Variants in APP observed in about 807,000 individuals in gnomAD.
The protein encoded by APP is amyloid-beta precursor protein.
A neutral mutation model predicts 101.4 loss-of-function variants in APP; 31 were observed. That is an observed-to-expected ratio of 0.31 (90% CI 0.23 to 0.41). APP has a LOEUF of 0.41. Ranked by LOEUF, APP falls within the 10% of genes least tolerant of loss-of-function variation. The pLI is 1.00. For synonymous variants in APP, 366 were observed against 364.4 expected, an observed-to-expected ratio of 1.00 and a Z score of -0.05; for missense variants, 839 against 1,003.7, an observed-to-expected ratio of 0.84 and a Z score of 2.22.
intron 17 of APP, among the ~76,000 whole-genome samples, chr21:25,885,118 C>G (rs936882286): frequency 6.6e-6 from 1 of 152,220 alleles, no homozygotes; most frequent in Non-Finnish European, 1.5e-5. Flanking sequence ...TTAGGAGCTA[C>G]AGAAGAAGGG....
intron 13 of APP, among the ~76,000 whole-genome samples, chr21:25,936,722 C>G (rs1264631084): frequency 6.6e-5 from 10 of 152,190 alleles, no homozygotes; most frequent in Admixed American, 6.5e-4. Context: ...AAAATAATTT[C>G]TGTTGTTGAA....
At chr21:26,109,220 T>C (rs1048934547) in intron 2 of APP, among the ~76,000 whole-genome samples, 2 of 152,236 alleles carry the variant, frequency 1.3e-5, no homozygotes, top group African/African-American at 4.8e-5. Flanking sequence ...AACCCTTTGA[T>C]ACAGTTTGGC....
At chr21:26,147,160 A>T (rs561134348) in intron 1 of APP, among the ~76,000 whole-genome samples, 1 of 152,190 alleles carries the variant, frequency 6.6e-6, no homozygotes, top group Non-Finnish European at 1.5e-5. Flanking sequence ...GACTTTTATA[A>T]TAATTGTATT....
chr21:25,887,962 CAGG>C (rs147894001), intron 17 of APP, among the ~76,000 whole-genome samples: 151 of 147,090 alleles, frequency 1.0e-3, no homozygotes, highest in Middle Eastern at 6.9e-3. Flanking sequence ...CATTTGTTCT[CAGG>C]AGTTTTTTTC....
rs554208234 is a variant in APP at position 26,045,756 on chromosome 21, C to T, written c.662+5244G>A. ...GATGAAGTTTAAACTGGGTTCAATA[C>T]GGAATTGTATATTCCAATGCACGCA... On this transcript the variant is annotated intron_variant, in intron 5 of 17. Coordinates refer to ENST00000346798, the MANE Select transcript of APP (RefSeq NM_000484.4). Among the ~76,000 whole-genome samples, 11 of 152,272 alleles carry T rather than the reference C, an allele frequency of 7.2e-5. No individual in the cohort carries two copies. The East Asian group carries it at 1.7e-3, about 24-fold the overall frequency.
intron 6 of APP, among the ~76,000 whole-genome samples, chr21:26,019,694 GC>G (rs11295673): frequency 1 from 152,317 of 152,318 alleles, 76,158 homozygotes; most frequent in Middle Eastern, 1. Flanking sequence ...CTATTAAACA[GC>G]CCAGCTTGAT....
chr21:26,154,040 G>A (rs1178189976), intron 1 of APP, among the ~76,000 whole-genome samples: 1 of 152,118 alleles, frequency 6.6e-6, no homozygotes, highest in East Asian at 1.9e-4. Flanking sequence ...CTCCATGTCA[G>A]GCAGTAAGCT....
intron 1 of APP, among the ~76,000 whole-genome samples, chr21:26,167,477 T>C (rs925094299): frequency 1.3e-5 from 2 of 152,236 alleles, no homozygotes; most frequent in African/African-American, 4.8e-5. Flanking sequence ...AATGCACTTC[T>C]CACTGATAGT....
chr21:25,968,606 C>T (rs1290777921), intron 11 of APP, among the ~76,000 whole-genome samples: 1 of 152,104 alleles, frequency 6.6e-6, no homozygotes, highest in African/African-American at 2.4e-5. Flanking sequence ...TATACTCAGA[C>T]ACAGGGACTC....
At chr21:26,150,016 C>T (rs149560077) in intron 1 of APP, among the ~76,000 whole-genome samples, 34 of 152,254 alleles carry the variant, frequency 2.2e-4, no homozygotes, top group Admixed American at 1.7e-3. Context: ...GCACATGAGG[C>T]CTTGCCAATT....
chr21:25,972,914 G>C (rs2042088027), intron 11 of APP, among the ~76,000 whole-genome samples: 1 of 152,042 alleles, frequency 6.6e-6, no homozygotes, highest in South Asian at 2.1e-4. Context: ...CAGAGAGAGA[G>C]AGAGATGAAA....
intron 6 of APP, among the ~76,000 whole-genome samples, chr21:26,015,113 A>G (rs894173670): frequency 1.3e-5 from 2 of 152,216 alleles, no homozygotes; most frequent in African/African-American, 4.8e-5. Context: ...TTCTCTCTAA[A>G]TATCAGCTTT....
Position 26,021,792 on chromosome 21 carries a change from C to T in APP, c.865+48G>A, listed in dbSNP as rs941353585. The T allele has an allele frequency of 3.1e-6, 5 of 1,604,594 alleles. No individual in the cohort carries two copies. In the African/African-American group the frequency reaches 4.0e-5, roughly 13 times the overall value. ...GGATATTTCCAACTCTGGTATTACG[C>T]TTTCTTTTCCTTGGGGGTGGGGGGA... On this transcript the variant is annotated intron_variant, in intron 6 of 17. Coordinates refer to ENST00000346798, the MANE Select transcript of APP (RefSeq NM_000484.4).
intron 5 of APP, among the ~76,000 whole-genome samples, chr21:26,046,238 T>C (rs998472268): frequency 1.5e-4 from 23 of 151,676 alleles, no homozygotes; most frequent in African/African-American, 5.6e-4. Context: ...GGTGAAACCC[T>C]GTCTCTACTA....
chr21:25,892,723 C>T (rs2037776173), intron 16 of APP, among the ~76,000 whole-genome samples: 1 of 152,170 alleles, frequency 6.6e-6, no homozygotes, highest in South Asian at 2.1e-4. Context: ...TACTGCACTA[C>T]ATTGCTTCAT....
At position 25,955,709 on chromosome 21, in the gene APP, T is replaced by C; in HGVS notation, c.1505A>G (p.Gln502Arg). 6.2e-7 allele frequency: 1 copy of C among 1,614,186 alleles called. No individual in the cohort carries two copies. The highest frequency in any genetic ancestry group is 8.5e-7 in the Non-Finnish European group (1 of 1,180,036). Residue 502 changes from glutamine to arginine, a missense_variant, in exon 12 of 18, where the codon CAG (glutamine) becomes CGG (arginine). Gln to Arg is a conservative substitution (Grantham distance 43). Transcript: ENST00000346798. ...CTTTAGGGTGTGCTGTCTGTCCTTC[T>C]GTTCTGCGCGGACATACTTCTTTAG... The part of the protein sequence containing the change: ...NMLKKYVRAE[Q>R]KDRQHTLKHF...
At chr21:25,950,528 C>T (rs1439381585) in intron 13 of APP, among the ~76,000 whole-genome samples, 1 of 151,928 alleles carries the variant, frequency 6.6e-6, no homozygotes, top group Non-Finnish European at 1.5e-5. Flanking sequence ...ATTACAGGTG[C>T]CTGCCACCAT....
intron 3 of APP, among the ~76,000 whole-genome samples, chr21:26,064,458 T>A (rs1434851650): frequency 6.6e-6 from 1 of 152,142 alleles, no homozygotes; most frequent in Non-Finnish European, 1.5e-5. Flanking sequence ...AAAGTTCACA[T>A]AATAAGGTGT....
rs199696812 is a variant in APP, at chr21:26,057,472, A to C, written c.356-4124T>G. Among the ~76,000 whole-genome samples, 45 of 126,384 alleles carry C rather than the reference A, an allele frequency of 3.6e-4. No homozygotes were observed. In the Middle Eastern group the frequency reaches 0.012, roughly 33 times the overall value. The allele number at this position is 126,384 out of a possible 152,430, so 82.9% of individuals were successfully genotyped here. A position where few individuals can be genotyped will look rare whatever the true frequency, so the allele number is the denominator to read the frequency against. ...TTTATATTCAAAACGCATGTCACACACCACACACACACACACACACACACA... is the reference window on the plus strand; with the variant it reads ...TTTATATTCAAAACGCATGTCACACCCCACACACACACACACACACACACA... On this transcript the variant is annotated intron_variant, in intron 3 of 17. Transcript: ENST00000346798.
Sources: allele counts gnomAD v4.1 joint callset (sites outside exome capture counted in the v4.1 genomes callset), GRCh38; gene constraint gnomAD v4.1.1; transcripts MANE v1.5; gene names NCBI Gene and HGNC (gene_info 2026-07-23, HGNC 2026-07-21).